SLC16A12: variants seen among roughly 807,000 people sequenced by gnomAD.
SLC16A12 encodes monocarboxylate transporter 12.
SLC16A12 carries 17 observed loss-of-function variants against 42.4 expected under a neutral mutation model. The ratio of observed to expected loss-of-function variants is 0.40; its 90% CI spans 0.27 to 0.60. The LOEUF (loss-of-function observed/expected upper bound fraction) is 0.60, where lower values mean the gene tolerates loss of function less well. Among genes scored for constraint, SLC16A12 ranks in the 20% least tolerant of loss-of-function variants. The probability of loss-of-function intolerance (pLI) is 0.42; values close to 1 mark genes in which losing one functional copy is unlikely to be tolerated. For missense variants in SLC16A12, 544 were observed against 623.0 expected (o/e 0.87, Z 1.35); for synonymous variants, 224 against 229.4 (o/e 0.98, Z 0.21).
chr10:89,507,254 C>A (rs1273961538), intron 2 of SLC16A12, among the ~76,000 whole-genome samples: 2 of 151,844 alleles, frequency 1.3e-5, no homozygotes, highest in East Asian at 3.9e-4. Flanking sequence ...AGAAGAGCAA[C>A]CCCAAAACAC....
chr10:89,511,175 C>A (rs1220718415), intron 2 of SLC16A12, among the ~76,000 whole-genome samples: 2 of 152,146 alleles, frequency 1.3e-5, no homozygotes, highest in Non-Finnish European at 2.9e-5. Context: ...AGTGTGGTGA[C>A]TCCTCAAGGA....
At chr10:89,556,356 T>C (rs767097158) in intron 1 of SLC16A12, among the ~76,000 whole-genome samples, 9 of 152,084 alleles carry the variant, frequency 5.9e-5, no homozygotes, top group Non-Finnish European at 1.2e-4. Flanking sequence ...ATTATACATA[T>C]CTCTATCTCT....
At chr10:89,466,294 T>C (rs1002906946) in intron 2 of SLC16A12, among the ~76,000 whole-genome samples, 3 of 152,348 alleles carry the variant, frequency 2.0e-5, no homozygotes, top group East Asian at 3.9e-4. Context: ...ATTTATTGAG[T>C]GTCCAATATG....
At chr10:89,446,613 A>G (rs984519153) in intron 3 of SLC16A12, among the ~76,000 whole-genome samples, 1 of 152,208 alleles carries the variant, frequency 6.6e-6, no homozygotes, top group Non-Finnish European at 1.5e-5. Context: ...AGGAAGCACT[A>G]AACGTGGAAA....
chr10:89,540,801 T>C lies in SLC16A12; in HGVS notation c.-47+15081A>G, dbSNP rs138336597. Among the ~76,000 whole-genome samples the C allele has an allele frequency of 4.7e-3, 723 of 152,358 alleles. 2 individuals carry two copies. Among genetic ancestry groups the C allele is most frequent in the Non-Finnish European group, 7.8e-3 (532 of 68,030 alleles). On this transcript the variant is annotated intron_variant, in intron 2 of 2. Coordinates refer to the SLC16A12 transcript ENST00000475682. ...AAAGCTATGTCATCATTTTAACCCA[T>C]TTATCTTTCTGGAGTCATGGTATAA...
At chr10:89,526,720 C>T (rs574621247) in intron 2 of SLC16A12, among the ~76,000 whole-genome samples, 22 of 152,368 alleles carry the variant, frequency 1.4e-4, no homozygotes, top group African/African-American at 5.3e-4. Flanking sequence ...AAGGGGCCAC[C>T]AGAAAGGAGC....
At chr10:89,511,154 T>C (rs890507462) in intron 2 of SLC16A12, among the ~76,000 whole-genome samples, 1 of 152,190 alleles carries the variant, frequency 6.6e-6, no homozygotes, top group African/African-American at 2.4e-5. Flanking sequence ...AGTTCAACCA[T>C]TGTGGAAGAC....
At chr10:89,482,716 G>C (rs572668835) in intron 2 of SLC16A12, among the ~76,000 whole-genome samples, 36 of 151,662 alleles carry the variant, frequency 2.4e-4, no homozygotes, top group South Asian at 4.2e-4. Context: ...CTGTGAGGTA[G>C]AGGTTGCAAT....
At chr10:89,486,157 G>T (rs942499480) in intron 2 of SLC16A12, among the ~76,000 whole-genome samples, 1 of 152,078 alleles carries the variant, frequency 6.6e-6, no homozygotes, top group Admixed American at 6.6e-5. Context: ...CTATACTCTG[G>T]GGAAGATGAC....
At chr10:89,486,169 C>T (rs1039554904) in intron 2 of SLC16A12, among the ~76,000 whole-genome samples, 1 of 152,036 alleles carries the variant, frequency 6.6e-6, no homozygotes, top group East Asian at 1.9e-4. Flanking sequence ...GAAGATGACC[C>T]GTGTCTTGCA....
At chr10:89,470,131 T>A (rs1387525037) in intron 2 of SLC16A12, among the ~76,000 whole-genome samples, 1 of 152,136 alleles carries the variant, frequency 6.6e-6, no homozygotes, top group South Asian at 2.1e-4. Flanking sequence ...GAATGAGACA[T>A]AAGCTCCATC....
At chr10:89,440,894 T>C (rs1453190255) in intron 5 of SLC16A12, among the ~76,000 whole-genome samples, 1 of 152,220 alleles carries the variant, frequency 6.6e-6, no homozygotes, top group African/African-American at 2.4e-5. Flanking sequence ...CAGTTGCTTT[T>C]ACCATCTGGC....
intron 2 of SLC16A12, among the ~76,000 whole-genome samples, chr10:89,516,485 G>A (rs908733778): frequency 6.6e-6 from 1 of 152,122 alleles, no homozygotes; most frequent in Non-Finnish European, 1.5e-5. Context: ...GTTTCCACTG[G>A]TGATTTGGTT....
intron 5 of SLC16A12, among the ~76,000 whole-genome samples, chr10:89,440,292 T>A (rs1314763792): frequency 6.6e-6 from 1 of 152,100 alleles, no homozygotes; most frequent in East Asian, 1.9e-4. Context: ...ACTTCCAGTG[T>A]TAAAACCAGG....
At chr10:89,485,855 C>A (rs1346498091) in intron 2 of SLC16A12, among the ~76,000 whole-genome samples, 1 of 152,074 alleles carries the variant, frequency 6.6e-6, no homozygotes, top group Non-Finnish European at 1.5e-5. Flanking sequence ...AAAGATGCAT[C>A]AGGACATACA....
chr10:89,477,504 C>T (rs978805002), intron 2 of SLC16A12, among the ~76,000 whole-genome samples: 12 of 135,742 alleles, frequency 8.8e-5, no homozygotes, highest in African/African-American at 1.9e-4. Flanking sequence ...GAGGAGGTTG[C>T]GTTGAGCCGA....
At chr10:89,552,561 TGTGA>T in intron 2 of SLC16A12, among the ~76,000 whole-genome samples, 1 of 151,780 alleles carries the variant, frequency 6.6e-6, no homozygotes, top group East Asian at 1.9e-4. Context: ...CTAGGAGGGG[TGTGA>T]GTGATTGTGG....
At chr10:89,447,592 G>A (rs1282259391) in intron 3 of SLC16A12, among the ~76,000 whole-genome samples, 2 of 152,118 alleles carry the variant, frequency 1.3e-5, no homozygotes, top group East Asian at 3.8e-4. Flanking sequence ...AGAATGTCTG[G>A]GACACATTTA....
At chr10:89,478,167 A>G (rs1842608791) in intron 2 of SLC16A12, among the ~76,000 whole-genome samples, 1 of 152,178 alleles carries the variant, frequency 6.6e-6, no homozygotes, top group Admixed American at 6.5e-5. Flanking sequence ...AAGGGGGCAG[A>G]GGGAGAGAGC....
Sources: gnomAD v4.1 joint callset for allele counts (sites outside exome capture counted in the v4.1 genomes callset) on GRCh38, gnomAD v4.1.1 for gene constraint, MANE v1.5 for transcripts, NCBI Gene and HGNC (gene_info 2026-07-23, HGNC 2026-07-21) for gene names.